The following PRAMEF1 variants were observed in gnomAD, a reference collection of about 807,000 sequenced individuals.
PRAMEF1 encodes the protein PRAME family member 1.
PRAMEF1 carries 21 observed loss-of-function variants against 38.2 expected under a neutral mutation model. That is an observed-to-expected ratio of 0.55 (90% CI 0.39 to 0.79). PRAMEF1 has a LOEUF of 0.79. PRAMEF1 is among the 30% of genes least tolerant of loss of function. PRAMEF1 has a pLI of 0.00. For missense variants in PRAMEF1, 497 were observed against 565.8 expected (o/e 0.88, Z 1.23); for synonymous variants, 200 against 229.0 (o/e 0.87, Z 1.14).
intron 2 of PRAMEF1, among the ~76,000 whole-genome samples, 159 bp from the exon 3 acceptor site, chr1:12,793,756 A>ACC (rs1162264530): frequency 6.6e-6 from 1 of 151,408 alleles, no homozygotes; most frequent in African/African-American, 2.4e-5. Flanking sequence ...AGAAGTGGGG[A>ACC]ATCAAAAGTC....
rs4989044 is a variant in PRAMEF1, at chr1:12,793,782, C to G, written c.288-133C>G. The G allele has an allele frequency of 1.7e-4, 239 of 1,417,134 alleles. 22 individuals carry two copies. In the East Asian group the frequency reaches 5.3e-3, roughly 32 times the overall value. 87.8% of individuals were successfully genotyped at this position (1,417,134 alleles called of 1,614,324 possible). A position where few individuals can be genotyped will look rare whatever the true frequency, so the allele number is the denominator to read the frequency against. On this transcript the variant is annotated intron_variant, in intron 2 of 3. Coordinates refer to ENST00000332296, the MANE Select transcript of PRAMEF1 (RefSeq NM_023013.4). The stretch of plus-strand genomic sequence containing the variant: ...ATCAAAAGTCAGAATCAAAAGGGAA[C>G]AGGGATTGAGAAAAGACAAAGAGAA...
At chr1:12,792,803 G>C (rs1639316903) in intron 1 of PRAMEF1, among the ~76,000 whole-genome samples, 1 of 150,628 alleles carries the variant, frequency 6.6e-6, no homozygotes, top group South Asian at 2.1e-4. Context: ...TTACAGACAT[G>C]AGCCACAGCA....
intron 1 of PRAMEF1, among the ~76,000 whole-genome samples, chr1:12,792,904 G>A (rs1189354507): frequency 6.7e-6 from 1 of 150,212 alleles, no homozygotes; most frequent in Non-Finnish European, 1.5e-5. Flanking sequence ...GCATGTTTAT[G>A]GTGTAAACTG....
chr1:12,791,861 C>T (rs1235453444), intron 1 of PRAMEF1, among the ~76,000 whole-genome samples: 1 of 150,990 alleles, frequency 6.6e-6, no homozygotes, highest in Non-Finnish European at 1.5e-5. Context: ...TCCCACACAG[C>T]AATCTCAAGA....
rs142654121 is a variant in PRAMEF1, at chr1:12,795,528, C to T, written c.957C>T (p.Leu319=). The T allele has an allele frequency of 1.8e-5, 29 of 1,612,544 alleles. No homozygotes were observed. The highest frequency in any genetic ancestry group is 3.6e-4 in the Middle Eastern group (2 of 5,596). ...AGTGTCTCTCCCAGTACCCAAGCCT[C>T]GGTTACCTAAAGCATCTGAATCTCA... The part of the protein sequence containing the change: ...DMKCLSQYPS[L]GYLKHLNLSY... The change falls in exon 4 of 4, where the codon CTC becomes CTT. Residue 319 remains leucine, a synonymous_variant. Transcript: ENST00000332296.
chr1:12,795,629 C>A lies in PRAMEF1; in HGVS notation c.1058C>A (p.Thr353Asn), dbSNP rs576791679. Residue 353 changes from threonine (T) to asparagine (N), a missense_variant, in exon 4 of 4, where the codon ACC becomes AAC. Physicochemically the swap from Thr to Asn is moderately conservative, Grantham distance 65 (BLOSUM62 0). Transcript: ENST00000332296. ...LLEKIAASLK[T>N]LILEGCQIHY... ...GAGAAAATTGCTGCCTCTCTCAAAA[C>A]CCTCATCTTGGAGGGCTGTCAGATC... The A allele has an allele frequency of 2.5e-5, 41 of 1,611,350 alleles. No individual in the cohort carries two copies. In the South Asian group the frequency reaches 3.4e-4, roughly 13 times the overall value.
Position 12,794,245 on chromosome 1 carries a change from T to A in PRAMEF1, c.618T>A (p.Ser206Arg). 2 of 1,611,766 alleles carry A rather than the reference T, an allele frequency of 1.2e-6. No homozygotes were observed. The highest frequency in any genetic ancestry group is 1.7e-6 in the Non-Finnish European group (2 of 1,178,598). Residue 206 changes from serine (S) to arginine (R), a missense_variant, in exon 3 of 4, where the codon AGT becomes AGA. This residue lies in a region of PRAMEF1 where 470 missense variants were observed against 501.9 expected (regional missense o/e 0.94). Coordinates refer to ENST00000332296, the MANE Select transcript of PRAMEF1 (RefSeq NM_023013.4). ...CATTGAAAATAATATACCTGAATAGTATTCAAGAGCTGGAAATTCGCAACA... is the reference window on the plus strand; with the variant it reads ...CATTGAAAATAATATACCTGAATAGAATTCAAGAGCTGGAAATTCGCAACA... Reference protein sequence around the residue: ...RKSLKIIYLNSIQELEIRNMS... With the variant: ...RKSLKIIYLNRIQELEIRNMS...
At position 12,795,737 on chromosome 1, in the gene PRAMEF1, T is replaced by C. The variant is rs971988648; in HGVS notation, c.1166T>C (p.Met389Thr). Residue 389 changes from methionine (M) to threonine (T), a missense_variant, in exon 4 of 4, where the codon ATG becomes ACG. Physicochemically the swap from Met to Thr is moderately conservative, Grantham distance 81. Transcript: ENST00000332296. ...ACCTTCTACTTTGGCAGAAATTGCA[T>C]GTCTATTGACGCCCTGAAGGACCTG... ...LTTFYFGRNC[M>T]SIDALKDLLR... 9.3e-6 allele frequency: 15 copies of C among 1,611,288 alleles called. No individual in the cohort carries two copies. The African/African-American group carries it at 2.0e-4, about 22-fold the overall frequency.
Position 12,793,935 on chromosome 1 carries a change from TGGATTTGCG to T in PRAMEF1, c.313_321del (p.Leu105_Asp107del), listed in dbSNP as rs1268840260. ...CACAGGAGGTGGAAACTTCAAGTGC[TGGATTTGCG>T]GGATGTTGACGAGAATTTCTGGGCC... On this transcript the variant is annotated inframe_deletion, in exon 3 of 4. Transcript: ENST00000332296. 4 of 1,608,984 alleles carry T rather than the reference TGGATTTGCG, an allele frequency of 2.5e-6. No homozygotes were observed. The East Asian group carries it at 9.0e-5, about 36-fold the overall frequency.
intron 3 of PRAMEF1, among the ~76,000 whole-genome samples, chr1:12,795,148 G>A (rs1324357575): frequency 3.3e-5 from 5 of 151,256 alleles, no homozygotes; most frequent in South Asian, 2.1e-4. Flanking sequence ...ATCTCCCACC[G>A]GGTACCTGTG....
intron 1 of PRAMEF1, among the ~76,000 whole-genome samples, chr1:12,792,551 T>A (rs2100296021): frequency 6.6e-6 from 1 of 151,424 alleles, no homozygotes; most frequent in South Asian, 2.1e-4. Context: ...TGACCACACC[T>A]GGCTAACATT....
rs116001020 is a variant in PRAMEF1, at chr1:12,796,465, T to C, written c.*469T>C. 2,976 of 166,278 alleles carry C rather than the reference T, an allele frequency of 0.018. 139 individuals are homozygous for C. The highest frequency in any genetic ancestry group is 0.067 in the African/African-American group (2,767 of 41,546). 10.3% of individuals were successfully genotyped at this position (166,278 alleles called of 1,614,324 possible). A position where few individuals can be genotyped will look rare whatever the true frequency, so the allele number is the denominator to read the frequency against. On this transcript the variant is annotated 3_prime_UTR_variant, in exon 4 of 4. Transcript: ENST00000332296. ...GATGGTTACCAAGGAATATCAGCAA[T>C]AAAGAGCACCTGAATGAAAACTTTT...
In PRAMEF1 at chr1:12,794,084, A is replaced by C. The variant is rs199842334; in HGVS notation, c.457A>C (p.Ile153Leu). The change falls in exon 3 of 4, where the codon ATC becomes CTC. Residue 153 changes from isoleucine to leucine, a missense_variant. By Grantham distance (5) the Ile-to-Leu change is conservative. Around this residue, in one of 2 missense-constraint regions of PRAMEF1, gnomAD observed 470 missense variants for 501.9 expected, o/e 0.94. Coordinates refer to ENST00000332296, the MANE Select transcript of PRAMEF1 (RefSeq NM_023013.4). ...CCAGCCCTTAAAGGTGTTCATAGAC[A>C]TCTGCCTCAAGGAAATACCCCAGGA... is the stretch of plus-strand genomic sequence containing the variant. ...EHQPLKVFIDICLKEIPQDEC... is the reference protein window; with the variant it reads ...EHQPLKVFIDLCLKEIPQDEC... 1,467 of 1,605,858 alleles carry C rather than the reference A, an allele frequency of 9.1e-4. 61 individuals are homozygous for C. The South Asian group carries it at 0.014, about 15-fold the overall frequency.
In PRAMEF1 at chr1:12,795,622, C is replaced by T. The variant is rs779050328; in HGVS notation, c.1051C>T (p.Leu351Phe). Residue 351 changes from leucine to phenylalanine, a missense_variant, in exon 4 of 4, where the codon CTC becomes TTC. Leu to Phe is a conservative substitution (Grantham distance 22). This residue lies in a region of PRAMEF1 where 470 missense variants were observed against 501.9 expected (regional missense o/e 0.94). Coordinates refer to ENST00000332296, the MANE Select transcript of PRAMEF1 (RefSeq NM_023013.4). ...GALLEKIAAS[L>F]KTLILEGCQI... ...TCTGCTGGAGAAAATTGCTGCCTCT[C>T]TCAAAACCCTCATCTTGGAGGGCTG... is the stretch of plus-strand genomic sequence containing the variant. 6.2e-7 allele frequency: 1 copy of T among 1,611,628 alleles called. No individual in the cohort carries two copies. The highest frequency in any genetic ancestry group is 1.3e-5 in the African/African-American group (1 of 74,710).
At position 12,794,282 on chromosome 1, in the gene PRAMEF1, C is replaced by T. The variant is rs147357536; in HGVS notation, c.655C>T (p.Arg219Cys). The change falls in exon 3 of 4, where the codon CGT becomes TGT. Residue 219 changes from arginine (R) to cysteine (C), a missense_variant. Arg to Cys is a radical substitution (Grantham distance 180). Around this residue, in one of 2 missense-constraint regions of PRAMEF1, gnomAD observed 470 missense variants for 501.9 expected, o/e 0.94. Transcript: ENST00000332296. ...ELEIRNMSWPRLIRKLRCYLK... is the reference protein window; with the variant it reads ...ELEIRNMSWPCLIRKLRCYLK... ...GGAAATTCGCAACATGTCCTGGCCACGTCTGATAAGAAAGCTTCGTTGTTA... is the reference window on the plus strand; with the variant it reads ...GGAAATTCGCAACATGTCCTGGCCATGTCTGATAAGAAAGCTTCGTTGTTA... 910 of 1,611,958 alleles carry T rather than the reference C, an allele frequency of 5.6e-4. 31 individuals are homozygous for T. The highest frequency in any genetic ancestry group is 2.1e-3 in the Middle Eastern group (13 of 6,050).
rs199886880 is a variant in PRAMEF1, at chr1:12,795,841, C to G, written c.1270C>G (p.Arg424Gly). 0.016 allele frequency: 25,057 copies of G among 1,551,724 alleles called. 532 individuals carry two copies. Among genetic ancestry groups the G allele is most frequent in the East Asian group, 0.036 (1,530 of 41,968 alleles). The change falls in exon 4 of 4, where the codon CGT (arginine) becomes GGT (glycine). Residue 424 changes from arginine to glycine, a missense_variant. Arg to Gly is a moderately radical substitution (Grantham distance 125). Coordinates refer to ENST00000332296, the MANE Select transcript of PRAMEF1 (RefSeq NM_023013.4). The part of the protein sequence containing the change: ...APEESLNSLV[R>G]VNWEIFTPLR... ...TGAGGAGAGTTTGAATTCCTTGGTT[C>G]GTGTCAATTGGGAGATCTTCACCCC... is the stretch of plus-strand genomic sequence containing the variant.
At chr1:12,792,175 C>T (rs1322456880) in intron 1 of PRAMEF1, among the ~76,000 whole-genome samples, 1 of 150,966 alleles carries the variant, frequency 6.6e-6, no homozygotes, top group Non-Finnish European at 1.5e-5. Context: ...GCACTCACCA[C>T]CATGCCCAGC....
intron 1 of PRAMEF1, among the ~76,000 whole-genome samples, chr1:12,792,688 AT>A (rs1639314149): frequency 6.7e-6 from 1 of 149,698 alleles, no homozygotes; most frequent in Non-Finnish European, 1.5e-5. Flanking sequence ...ATGATTCTTA[AT>A]TTTTTTATAT....
At position 12,793,531 on chromosome 1, in the gene PRAMEF1, G is replaced by C. The variant is rs1274958479; in HGVS notation, c.287+17G>C. 19 of 1,604,140 alleles carry C rather than the reference G, an allele frequency of 1.2e-5. 1 individual carries two copies. The Admixed American group carries it at 3.2e-4, about 27-fold the overall frequency. ...TCGCCCCAGGTGAGGTGACCCAGGAGGGCTGGTAGATAGGGCTCAGGTGTC... is the reference window on the plus strand; with the variant it reads ...TCGCCCCAGGTGAGGTGACCCAGGACGGCTGGTAGATAGGGCTCAGGTGTC... On this transcript the variant is annotated intron_variant, in intron 2 of 3. Coordinates refer to ENST00000332296, the MANE Select transcript of PRAMEF1 (RefSeq NM_023013.4).
Sources: gnomAD v4.1 joint callset for allele counts (sites outside exome capture counted in the v4.1 genomes callset) on GRCh38, gnomAD v4.1.1 for gene constraint, gnomAD v4.1.1 regional missense constraint, MANE v1.5 for transcripts, NCBI Gene and HGNC (gene_info 2026-07-23, HGNC 2026-07-21) for gene names.